ARHGEF10: variants seen among roughly 807,000 people sequenced by gnomAD.
ARHGEF10 encodes the protein Rho guanine nucleotide exchange factor 10.
ARHGEF10 carries 140 observed loss-of-function variants against 147.4 expected under a neutral mutation model. That is an observed-to-expected ratio of 0.95 (90% confidence interval 0.83 to 1.09). The LOEUF (loss-of-function observed/expected upper bound fraction) is 1.09. Ranked by LOEUF, ARHGEF10 falls within the 50% of genes least tolerant of loss-of-function variation. The probability of loss-of-function intolerance (pLI) is 0.00; values close to 1 mark genes in which losing one functional copy is unlikely to be tolerated. For synonymous variants in ARHGEF10, 902 were observed against 695.8 expected, an observed-to-expected ratio of 1.30 and a Z score of -4.67; for missense variants, 2,222 against 1,752.7, an observed-to-expected ratio of 1.27 and a Z score of -4.78.
In ARHGEF10 at chr8:1,944,388, T is replaced by C. The variant is rs911758115; in HGVS notation, c.3223-1093T>C. On this transcript the variant is annotated intron_variant, in intron 26 of 28. Transcript: ENST00000349830. Reference sequence around the variant, plus strand: ...GTCCCTGATGGAATCTCAACTGAAATAAGAGGCGATGCCATGGGAGAAGGG... The same window carrying C: ...GTCCCTGATGGAATCTCAACTGAAACAAGAGGCGATGCCATGGGAGAAGGG... Among the ~76,000 whole-genome samples the C allele has an allele frequency of 3.9e-5, 6 of 152,188 alleles. No homozygotes were observed. In the South Asian group the frequency reaches 1.2e-3, roughly 32 times the overall value.
rs150967714 is a variant in ARHGEF10, at chr8:1,953,792, A to G, written c.3520+965A>G. On this transcript the variant is annotated intron_variant, in intron 28 of 28. Transcript: ENST00000349830. ...GAAAACTCCTCGTCCTGTTAAGTTC[A>G]GTAAACCACAGCCTTAGATTCTATG... Among the ~76,000 whole-genome samples, 338 of 152,288 alleles carry G rather than the reference A, an allele frequency of 2.2e-3. 1 individual carries two copies. The highest frequency in any genetic ancestry group is 7.9e-3 in the African/African-American group (328 of 41,564).
rs537252837 is a variant in ARHGEF10 at position 1,842,757 on chromosome 8, A to C, written c.-47-596A>C. Reference sequence around the variant, plus strand: ...GCCTTCCCGGGACTCGCTGGCATCTAGCTCACACTCAAACTGGTGTCCTCG... The same window carrying C: ...GCCTTCCCGGGACTCGCTGGCATCTCGCTCACACTCAAACTGGTGTCCTCG... On this transcript the variant is annotated intron_variant, in intron 1 of 28. Transcript: ENST00000349830. Among the ~76,000 whole-genome samples, 206 of 152,352 alleles carry C rather than the reference A, an allele frequency of 1.4e-3. 3 individuals are homozygous for C. Among genetic ancestry groups the C allele is most frequent in the Non-Finnish European group, 6.9e-4 (47 of 68,024 alleles).
intron 11 of ARHGEF10, among the ~76,000 whole-genome samples, chr8:1,891,856 T>C (rs4875801): frequency 0.34 from 51,847 of 151,562 alleles, 9,124 homozygotes; most frequent in East Asian, 0.45. Flanking sequence ...ATATTGGTTT[T>C]GTTTTTGTAT....
At position 1,925,421 on chromosome 8, in the gene ARHGEF10, C is replaced by T; in HGVS notation, c.2610+17C>T. 1 of 1,613,486 alleles carries T rather than the reference C, an allele frequency of 6.2e-7. No homozygotes were observed. Among genetic ancestry groups the T allele is most frequent in the Non-Finnish European group, 8.5e-7 (1 of 1,179,914 alleles). On this transcript the variant is annotated intron_variant, in intron 22 of 28. Coordinates refer to ENST00000349830, the MANE Select transcript of ARHGEF10 (RefSeq NM_014629.4). Reference sequence around the variant, plus strand: ...GAGTTCAAGGTGAAGGGAGGCAGGGCCCGCGGCCCGGGGTGGGACGCACCT... The same window carrying T: ...GAGTTCAAGGTGAAGGGAGGCAGGGTCCGCGGCCCGGGGTGGGACGCACCT...
intron 26 of ARHGEF10, among the ~76,000 whole-genome samples, chr8:1,935,746 G>C (rs778043252): frequency 5.3e-5 from 8 of 152,236 alleles, no homozygotes; most frequent in Non-Finnish European, 1.0e-4. Context: ...AAACACTTGG[G>C]AGTGTCCTAA....
intron 16 of ARHGEF10, among the ~76,000 whole-genome samples, chr8:1,905,367 T>C (rs1810798194): frequency 6.6e-6 from 1 of 152,180 alleles, no homozygotes; most frequent in Admixed American, 6.6e-5. Context: ...ATGTAGTGTT[T>C]AAATCGCGGG....
chr8:1,823,542 G>C (rs1035585469), upstream of ARHGEF10, among the ~76,000 whole-genome samples: 5 of 152,102 alleles, frequency 3.3e-5, no homozygotes, highest in Admixed American at 2.6e-4. Context: ...AGAGGGTTAG[G>C]GTCTGCCCGG....
rs746427618 is a variant in ARHGEF10 at position 1,926,409 on chromosome 8, C to G, written c.2643C>G (p.Tyr881Ter). The change falls in exon 23 of 29, where the codon TAC (tyrosine) becomes TAG (stop). Residue 881 changes from tyrosine to a stop codon, truncating the protein, a stop_gained. Transcript: ENST00000349830. LOFTEE classifies it high-confidence loss of function. Reference protein sequence around the residue: ...IECAAYNPEPYLNNESQPDSF... With the variant: ...IECAAYNPEP ...GTGCTGCTTATAACCCTGAACCTTACCTAAATAATGAAAGCCAGCCAGATT... is the reference window on the plus strand; with the variant it reads ...GTGCTGCTTATAACCCTGAACCTTAGCTAAATAATGAAAGCCAGCCAGATT... 1.6e-5 allele frequency: 26 copies of G among 1,614,000 alleles called. No individual in the cohort carries two copies. Among genetic ancestry groups the G allele is most frequent in the South Asian group, 1.1e-5 (1 of 91,094 alleles).
At chr8:1,879,970 C>A in intron 8 of ARHGEF10, 78 bp from the exon 9 acceptor site, 1 of 1,012,082 alleles carries the variant, frequency 9.9e-7, no homozygotes, top group Non-Finnish European at 1.6e-6. Context: ...ACGCTGCCAG[C>A]ATCCTCTCAA....
At chr8:1,847,857 C>G (rs1804677116) in intron 2 of ARHGEF10, among the ~76,000 whole-genome samples, 1 of 152,198 alleles carries the variant, frequency 6.6e-6, no homozygotes, top group Admixed American at 6.5e-5. Flanking sequence ...CTCTTCCAAG[C>G]CCCAGGAAAA....
In ARHGEF10 at chr8:1,929,154, G is replaced by C. The variant is rs139704510; in HGVS notation, c.2922-132G>C. The C allele has an allele frequency of 9.0e-4, 887 of 981,508 alleles. 10 individuals are homozygous for C. In the East Asian group the frequency reaches 0.022, roughly 24 times the overall value. 60.8% of individuals were successfully genotyped at this position (981,508 alleles called of 1,614,324 possible). A position where few individuals can be genotyped will look rare whatever the true frequency, so the allele number is the denominator to read the frequency against. On this transcript the variant is annotated intron_variant, in intron 24 of 28. Coordinates refer to ENST00000349830, the MANE Select transcript of ARHGEF10 (RefSeq NM_014629.4). The stretch of plus-strand genomic sequence containing the variant: ...GGTTGCAAATTTTTTAAAAGTACTG[G>C]CAAGTGTCCCTAGGAATGGAGAAGG...
At chr8:1,905,785 A>T (rs1264312575) in intron 17 of ARHGEF10, 69 bp downstream of exon 17, 3 of 1,584,000 alleles carry the variant, frequency 1.9e-6, no homozygotes, top group Non-Finnish European at 2.6e-6. Context: ...GGGCACATGC[A>T]TGACTTTGTT....
intron 24 of ARHGEF10, 147 bp downstream of exon 24, chr8:1,928,797 T>A (rs1351018572): frequency 8.3e-6 from 7 of 839,306 alleles, no homozygotes; most frequent in Non-Finnish European, 1.2e-5. Flanking sequence ...ATTTTTAGGG[T>A]CATTGCACTT....
chr8:1,893,746 CAT>C, intron 12 of ARHGEF10, 100 bp downstream of exon 12: 1 of 1,014,714 alleles, frequency 9.9e-7, no homozygotes, highest in Non-Finnish European at 1.5e-6. Context: ...GTTTATGAAA[CAT>C]AACATGCAAA....
intron 25 of ARHGEF10, 26 bp downstream of exon 25, chr8:1,929,469 GC>G (rs1812942873): frequency 6.3e-7 from 1 of 1,589,162 alleles, no homozygotes; most frequent in South Asian, 1.1e-5. Context: ...CGGCCTCCTG[GC>G]CGGTCCTTGG....
intron 13 of ARHGEF10, 62 bp from the exon 14 acceptor site, chr8:1,896,271 T>C (rs550223212): frequency 1.7e-6 from 2 of 1,189,786 alleles, no homozygotes; most frequent in Non-Finnish European, 2.5e-6. Context: ...TCTTCTGTTT[T>C]ATGTTGGAAA....
rs1813345253 is a variant in ARHGEF10, at chr8:1,933,805, T to G, written c.3085T>G (p.Ser1029Ala). ...VASYARAPDG[S>A]WDSEPQKVIK... ...ATGAAATATTTTCTTTTAAGATGGA[T>G]CCTGGGATTCAGAACCTCAAAAAGT... Residue 1029 changes from serine (S) to alanine (A), a missense_variant, in exon 26 of 29, where the codon TCC becomes GCC. Coordinates refer to ENST00000349830, the MANE Select transcript of ARHGEF10 (RefSeq NM_014629.4). 1 of 1,614,086 alleles carries G rather than the reference T, an allele frequency of 6.2e-7. No homozygotes were observed.
intron 1 of ARHGEF10, among the ~76,000 whole-genome samples, chr8:1,841,739 G>T (rs551373184): frequency 1.7e-4 from 26 of 152,126 alleles, no homozygotes; most frequent in African/African-American, 4.8e-4. Flanking sequence ...GCTGCTGCTC[G>T]TGGGGAGCCC....
chr8:1,901,018 C>T (rs991039299), intron 15 of ARHGEF10, among the ~76,000 whole-genome samples: 2 of 152,014 alleles, frequency 1.3e-5, no homozygotes, highest in Non-Finnish European at 2.9e-5. Context: ...CTGGCGTATC[C>T]TAGAGTGTTC....
Sources: allele counts gnomAD v4.1 joint callset (sites outside exome capture counted in the v4.1 genomes callset), GRCh38; gene constraint gnomAD v4.1.1; transcripts MANE v1.5; gene names NCBI Gene and HGNC (gene_info 2026-07-23, HGNC 2026-07-21).